Variants in SUSD6 observed in about 807,000 individuals in gnomAD.
SUSD6 encodes sushi domain containing 6.
In SUSD6, 16 loss-of-function variants were observed where a neutral mutation model predicts 28.4. The observed-to-expected ratio is 0.56, with a 90% CI of 0.38 to 0.86. The LOEUF (loss-of-function observed/expected upper bound fraction) is 0.86. SUSD6 is among the 40% of genes least tolerant of loss of function. The pLI is 0.00. For missense variants in SUSD6, 341 were observed against 384.2 expected, an observed-to-expected ratio of 0.89 and a Z score of 0.94; for synonymous variants, 147 against 159.6, an observed-to-expected ratio of 0.92 and a Z score of 0.59.
At chr14:69,667,345 A>G (rs1005323578) in intron 2 of SUSD6, among the ~76,000 whole-genome samples, 1 of 149,212 alleles carries the variant, frequency 6.7e-6, no homozygotes, top group Non-Finnish European at 1.5e-5. Context: ...GCTCCTTGAT[A>G]ACTGTGCATG....
At chr14:69,668,873 C>G (rs576884980) in intron 2 of SUSD6, among the ~76,000 whole-genome samples, 1 of 151,876 alleles carries the variant, frequency 6.6e-6, no homozygotes, top group African/African-American at 2.4e-5. Flanking sequence ...CCCTTTCGTT[C>G]TCATTCTCAC....
intron 1 of SUSD6, among the ~76,000 whole-genome samples, chr14:69,639,956 G>GT (rs11463756): frequency 0.31 from 25,033 of 81,528 alleles, 4,077 homozygotes; most frequent in Middle Eastern, 0.5. Context: ...CACCTACACT[G>GT]TTTTTTTTTT....
intron 2 of SUSD6, among the ~76,000 whole-genome samples, chr14:69,661,878 C>T (rs548949685): frequency 3.9e-5 from 6 of 152,304 alleles, no homozygotes; most frequent in Admixed American, 2.6e-4. Context: ...TAGCTCACTG[C>T]AGCCTTGACC....
At chr14:69,673,748 C>T (rs1395791353) in intron 2 of SUSD6, among the ~76,000 whole-genome samples, 1 of 151,728 alleles carries the variant, frequency 6.6e-6, no homozygotes, top group African/African-American at 2.4e-5. Flanking sequence ...GGATGCCTTT[C>T]CTCAGTCTGG....
rs778844534 is a variant in SUSD6 at position 69,657,612 on chromosome 14, ATAT to A, written c.-80-897_-80-895del. On this transcript the variant is annotated intron_variant, in intron 1 of 5. Coordinates refer to ENST00000342745, the MANE Select transcript of SUSD6 (RefSeq NM_014734.4). Reference sequence around the variant, plus strand: ...GTGTAACTTAAAAAAAAGAAGTGTAATATTATATGGAATACCTGTTGTAAACTA... The same window carrying A: ...GTGTAACTTAAAAAAAAGAAGTGTAATATATGGAATACCTGTTGTAAACTA... 2.6e-5 allele frequency among the ~76,000 whole-genome samples: 4 copies of A among 152,186 alleles called. 1 individual carries two copies. Among genetic ancestry groups the A allele is most frequent in the Admixed American group, 1.3e-4 (2 of 15,274 alleles).
At chr14:69,684,346 A>C (rs1024364672) in intron 2 of SUSD6, among the ~76,000 whole-genome samples, 9 of 152,242 alleles carry the variant, frequency 5.9e-5, no homozygotes, top group Non-Finnish European at 1.2e-4. Context: ...AAAATAAAGG[A>C]GGATCAGTCA....
chr14:69,704,474 A>G, intron 3 of SUSD6, 130 bp from the exon 4 acceptor site: 1 of 851,602 alleles, frequency 1.2e-6, no homozygotes, highest in South Asian at 1.8e-5. Flanking sequence ...GTTATTCCTG[A>G]AATGACCCTG....
At chr14:69,673,812 A>T (rs1885868920) in intron 2 of SUSD6, among the ~76,000 whole-genome samples, 1 of 152,200 alleles carries the variant, frequency 6.6e-6, no homozygotes, top group African/African-American at 2.4e-5. Flanking sequence ...CATCGGCCCT[A>T]GCACTGCCTC....
chr14:69,658,199 T>A (rs1251251181), intron 1 of SUSD6, among the ~76,000 whole-genome samples: 1 of 152,180 alleles, frequency 6.6e-6, no homozygotes, highest in East Asian at 1.9e-4. Context: ...TCTGTGTCAA[T>A]AGCCGTCTCT....
At chr14:69,623,536 A>G (rs140332062) in intron 1 of SUSD6, among the ~76,000 whole-genome samples, 431 of 152,320 alleles carry the variant, frequency 2.8e-3, no homozygotes, top group African/African-American at 0.01. Flanking sequence ...TTTGTCATCA[A>G]TATAGACTGT....
At position 69,634,371 on chromosome 14, in the gene SUSD6, A is replaced by G. The variant is rs572747068; in HGVS notation, c.-81+22543A>G. Among the ~76,000 whole-genome samples the G allele has an allele frequency of 1.6e-4, 24 of 152,360 alleles. No homozygotes were observed. The South Asian group carries it at 1.9e-3, about 12-fold the overall frequency. On this transcript the variant is annotated intron_variant, in intron 1 of 5. Transcript: ENST00000342745. The stretch of plus-strand genomic sequence containing the variant: ...GATTTGAATGTATTTTGCAAATACA[A>G]ACATTTTCTTTGTCATGTCACTGAT...
chr14:69,616,206 A>G (rs1223079534), intron 1 of SUSD6, among the ~76,000 whole-genome samples: 1 of 152,174 alleles, frequency 6.6e-6, no homozygotes, highest in Non-Finnish European at 1.5e-5. Flanking sequence ...GCAGTTGGAG[A>G]TTGGATACAA....
intron 2 of SUSD6, 145 bp from the exon 3 acceptor site, chr14:69,703,250 C>T: frequency 1.4e-6 from 1 of 694,656 alleles, no homozygotes; most frequent in Non-Finnish European, 2.4e-6. Flanking sequence ...CCTGAGTTTC[C>T]AGGGTTTGGT....
At chr14:69,674,213 C>T (rs1197106862) in intron 2 of SUSD6, among the ~76,000 whole-genome samples, 2 of 152,220 alleles carry the variant, frequency 1.3e-5, no homozygotes, top group African/African-American at 4.8e-5. Flanking sequence ...CACAGGCTGT[C>T]TGATCAGCTC....
chr14:69,643,277 A>T (rs1885380529), intron 1 of SUSD6, among the ~76,000 whole-genome samples: 1 of 152,196 alleles, frequency 6.6e-6, no homozygotes, highest in Admixed American at 6.5e-5. Context: ...TTAACCTTGG[A>T]TGTCTTTTCC....
intron 1 of SUSD6, among the ~76,000 whole-genome samples, chr14:69,633,643 TA>T (rs1885226323): frequency 6.6e-6 from 1 of 152,260 alleles, no homozygotes; most frequent in African/African-American, 2.4e-5. Flanking sequence ...TTCTTCCTTA[TA>T]TTCTAATCAT....
chr14:69,694,639 G>A (rs1886198068), intron 2 of SUSD6, among the ~76,000 whole-genome samples: 2 of 152,230 alleles, frequency 1.3e-5, no homozygotes, highest in Admixed American at 6.5e-5. Flanking sequence ...AGAGGCTTAG[G>A]TGCCACTAAA....
At chr14:69,677,617 G>A (rs564381372) in intron 2 of SUSD6, among the ~76,000 whole-genome samples, 4 of 151,814 alleles carry the variant, frequency 2.6e-5, no homozygotes, top group Non-Finnish European at 5.9e-5. Flanking sequence ...TGACTGTTTT[G>A]CAGAGGGGAG....
rs1594727413 is a variant in SUSD6, at chr14:69,712,671, A to G, written c.*1692A>G. 6.6e-6 allele frequency: 1 copy of G among 152,034 alleles called. No individual in the cohort carries two copies. Among genetic ancestry groups the G allele is most frequent in the Non-Finnish European group, 1.5e-5 (1 of 68,156 alleles). 9.4% of individuals were successfully genotyped at this position (152,034 alleles called of 1,614,324 possible). ...GGGAGTGGTCTTCTCCCAGCCTTTT[A>G]CCCTCTTGCCTCCTGCCTCCGCGCT... On this transcript the variant is annotated 3_prime_UTR_variant, in exon 6 of 6. Transcript: ENST00000342745.
Sources: gnomAD v4.1 joint callset for allele counts (sites outside exome capture counted in the v4.1 genomes callset) on GRCh38, gnomAD v4.1.1 for gene constraint, MANE v1.5 for transcripts, NCBI Gene and HGNC (gene_info 2026-07-23, HGNC 2026-07-21) for gene names.